The following CTNNA2 variants were observed in gnomAD, a reference collection of about 807,000 sequenced individuals.
CTNNA2 encodes catenin alpha-2.
Under a neutral mutation model 101.0 loss-of-function variants are expected in CTNNA2, and 42 were observed. The ratio of observed to expected loss-of-function variants is 0.42; its 90% CI spans 0.32 to 0.54. The LOEUF is 0.54. CTNNA2 is among the 20% of genes least tolerant of loss of function. The pLI is 0.14. For missense variants in CTNNA2, 871 were observed against 1,223.1 expected, an observed-to-expected ratio of 0.71 and a Z score of 4.29; for synonymous variants, 450 against 456.4, an observed-to-expected ratio of 0.99 and a Z score of 0.18.
intron 12 of CTNNA2, among the ~76,000 whole-genome samples, chr2:80,563,042 T>G: frequency 1.0e-5 from 1 of 97,892 alleles, no homozygotes; most frequent in Non-Finnish European, 2.0e-5. Flanking sequence ...TTTGTCAAAG[T>G]ACAACCAAAA....
At chr2:80,591,029 A>T (rs1696439140) in intron 15 of CTNNA2, among the ~76,000 whole-genome samples, 1 of 152,208 alleles carries the variant, frequency 6.6e-6, no homozygotes, top group Non-Finnish European at 1.5e-5. Flanking sequence ...TCACTTGAAC[A>T]AATAATCTCA....
At chr2:79,660,053 T>G (rs1381920864) in intron 2 of CTNNA2, among the ~76,000 whole-genome samples, 4 of 152,196 alleles carry the variant, frequency 2.6e-5, no homozygotes, top group Admixed American at 1.3e-4. Flanking sequence ...ATAAGTTTAT[T>G]GAAAACTGCT....
chr2:80,175,866 G>C (rs182423370), intron 7 of CTNNA2, among the ~76,000 whole-genome samples: 3 of 152,190 alleles, frequency 2.0e-5, no homozygotes. Context: ...GAAGAACTTG[G>C]AGTTCAATGT....
intron 3 of CTNNA2, among the ~76,000 whole-genome samples, chr2:79,333,413 A>C (rs572648259): frequency 1.3e-5 from 2 of 152,314 alleles, no homozygotes; most frequent in African/African-American, 2.4e-5. Context: ...CTAGAAAAGA[A>C]GTAAACAAAA....
rs1005981650 is a variant in CTNNA2 at position 80,313,295 on chromosome 2, C to T, written c.1057-79916C>T. 22 of 923,474 alleles carry T rather than the reference C, an allele frequency of 2.4e-5. No individual in the cohort carries two copies. The Admixed American group carries it at 4.5e-4, about 19-fold the overall frequency. 57.2% of individuals were successfully genotyped at this position (923,474 alleles called of 1,614,324 possible). A position where few individuals can be genotyped will look rare whatever the true frequency, so the allele number is the denominator to read the frequency against. On this transcript the variant is annotated intron_variant, in intron 7 of 18. Coordinates refer to ENST00000402739, the MANE Select transcript of CTNNA2 (RefSeq NM_001282597.3). Reference sequence around the variant, plus strand: ...ATCTCTGACAAGAATCTTGAAAATGCCTTTCTAATTATTTAACATACGTGT... The same window carrying T: ...ATCTCTGACAAGAATCTTGAAAATGTCTTTCTAATTATTTAACATACGTGT...
At chr2:79,371,847 C>A (rs1439951572) in intron 3 of CTNNA2, among the ~76,000 whole-genome samples, 1 of 152,164 alleles carries the variant, frequency 6.6e-6, no homozygotes, top group Non-Finnish European at 1.5e-5. Flanking sequence ...CTACCCAGGA[C>A]TCCTGGTGAT....
chr2:79,532,473 G>A (rs1023149147), intron 1 of CTNNA2, among the ~76,000 whole-genome samples: 2 of 152,030 alleles, frequency 1.3e-5, no homozygotes, highest in African/African-American at 4.8e-5. Context: ...GAGTATAGGT[G>A]GATTCATTGA....
At chr2:79,910,649 A>G (rs750682936) in intron 7 of CTNNA2, among the ~76,000 whole-genome samples, 4 of 152,188 alleles carry the variant, frequency 2.6e-5, no homozygotes, top group Non-Finnish European at 5.9e-5. Context: ...TCGATATTAC[A>G]TTTTGAAGGA....
intron 2 of CTNNA2, among the ~76,000 whole-genome samples, chr2:79,663,779 T>C (rs990991134): frequency 6.6e-6 from 1 of 152,224 alleles, no homozygotes; most frequent in African/African-American, 2.4e-5. Context: ...GCAGGAAGTC[T>C]CATGTAGATA....
In CTNNA2 at chr2:80,302,793, C is replaced by A. The variant is rs773863794; in HGVS notation, c.1057-90418C>A. 5.0e-6 allele frequency: 8 copies of A among 1,613,446 alleles called. No individual in the cohort carries two copies. In the East Asian group the frequency reaches 8.9e-5, roughly 18 times the overall value. The stretch of plus-strand genomic sequence containing the variant: ...TCGCCCTGTGCGTACTCCGGGCTGG[C>A]GCACTGCAAGTTGCCATCGTAGCGC... On this transcript the variant is annotated intron_variant, in intron 7 of 18. Coordinates refer to ENST00000402739, the MANE Select transcript of CTNNA2 (RefSeq NM_001282597.3). The surrounding 1 kb of genome is among the most constrained non-coding windows in gnomAD (Gnocchi z 6.4).
At chr2:79,453,885 C>T (rs1448966224) in intron 4 of CTNNA2, among the ~76,000 whole-genome samples, 1 of 152,004 alleles carries the variant, frequency 6.6e-6, no homozygotes, top group African/African-American at 2.4e-5. Context: ...AGATATGATC[C>T]CTACATCACC....
At chr2:80,107,072 T>C (rs1700933722) in intron 7 of CTNNA2, among the ~76,000 whole-genome samples, 2 of 152,046 alleles carry the variant, frequency 1.3e-5, no homozygotes, top group African/African-American at 4.8e-5. Flanking sequence ...GCCCTGTTGA[T>C]AGAGACAGAA....
chr2:80,376,940 C>T (rs1442667766), intron 7 of CTNNA2, among the ~76,000 whole-genome samples: 1 of 152,190 alleles, frequency 6.6e-6, no homozygotes, highest in Non-Finnish European at 1.5e-5. Context: ...TTTCATTACC[C>T]ATGCAGAGGA....
intron 9 of CTNNA2, among the ~76,000 whole-genome samples, chr2:80,529,697 A>G (rs1050520583): frequency 1.6e-4 from 25 of 152,166 alleles, no homozygotes; most frequent in Admixed American, 1.6e-3. Context: ...TAGAGCACAA[A>G]ACTAAACAGA....
At chr2:79,454,362 A>G (rs144158551) in intron 4 of CTNNA2, among the ~76,000 whole-genome samples, 318 of 152,268 alleles carry the variant, frequency 2.1e-3, no homozygotes, top group African/African-American at 6.1e-3. Context: ...TCTACATCTA[A>G]CACACCCTCT....
At chr2:80,616,766 C>G (rs1698888223) in intron 17 of CTNNA2, among the ~76,000 whole-genome samples, 1 of 151,700 alleles carries the variant, frequency 6.6e-6, no homozygotes, top group East Asian at 1.9e-4. Context: ...TGGAAATTAT[C>G]TGATCCTGGC....
intron 7 of CTNNA2, among the ~76,000 whole-genome samples, chr2:80,093,208 T>C (rs958697139): frequency 6.6e-6 from 1 of 152,050 alleles, no homozygotes; most frequent in African/African-American, 2.4e-5. Flanking sequence ...CCTGTGTCCA[T>C]GTGTTCTCAT....
intron 3 of CTNNA2, among the ~76,000 whole-genome samples, chr2:79,326,872 C>T (rs932916513): frequency 1.2e-4 from 19 of 152,148 alleles, no homozygotes; most frequent in African/African-American, 4.6e-4. Flanking sequence ...TGGAGAGGTA[C>T]AGGCATAATC....
chr2:79,438,804 A>T (rs1678746680), intron 4 of CTNNA2, among the ~76,000 whole-genome samples: 1 of 152,216 alleles, frequency 6.6e-6, no homozygotes, highest in African/African-American at 2.4e-5. Context: ...ATGGGCAGAA[A>T]ATACCTGAAA....
Sources: gnomAD v4.1 joint callset for allele counts (sites outside exome capture counted in the v4.1 genomes callset) on GRCh38, gnomAD v4.1.1 for gene constraint, Gnocchi (gnomAD v3.1) non-coding constraint, MANE v1.5 for transcripts, NCBI Gene and HGNC (gene_info 2026-07-23, HGNC 2026-07-21) for gene names.